Variants in DCC observed in about 807,000 individuals in gnomAD.
DCC encodes DCC netrin 1 receptor, also known as netrin receptor DCC.
DCC carries 58 observed loss-of-function variants against 172.5 expected under a neutral mutation model. That is an observed-to-expected ratio of 0.34 (90% CI 0.27 to 0.42). The LOEUF (loss-of-function observed/expected upper bound fraction) is 0.42, where lower values mean the gene tolerates loss of function less well. Among genes scored for constraint, DCC ranks in the 10% least tolerant of loss-of-function variants. The pLI, the probability that DCC is intolerant of heterozygous loss-of-function variation, is 1.00. For missense variants in DCC, 1,740 were observed against 1,791.0 expected, an observed-to-expected ratio of 0.97 and a Z score of 0.51; for synonymous variants, 709 against 644.5, an observed-to-expected ratio of 1.10 and a Z score of -1.52.
At chr18:53,267,870 A>G (rs2056700796) in intron 12 of DCC, among the ~76,000 whole-genome samples, 1 of 152,212 alleles carries the variant, frequency 6.6e-6, no homozygotes, top group Admixed American at 6.5e-5. Context: ...CAGGTTTCCA[A>G]GGTTTAATAT....
chr18:53,029,839 A>G (rs117818440), intron 5 of DCC, among the ~76,000 whole-genome samples: 4,346 of 152,174 alleles, frequency 0.029, 81 homozygotes, highest in Non-Finnish European at 0.042. Context: ...ATCATTCGTC[A>G]TCATCTAAGC....
chr18:52,598,953 C>G (rs1300302536), intron 1 of DCC, among the ~76,000 whole-genome samples: 1 of 152,072 alleles, frequency 6.6e-6, no homozygotes, highest in Non-Finnish European at 1.5e-5. Flanking sequence ...CTATCAAGCT[C>G]TTTTATAAGG....
intron 20 of DCC, among the ~76,000 whole-genome samples, chr18:53,411,805 A>G (rs1242089086): frequency 6.6e-6 from 1 of 152,156 alleles, no homozygotes; most frequent in Non-Finnish European, 1.5e-5. Context: ...CATCTTTGTC[A>G]TCTAAATTTT....
intron 2 of DCC, among the ~76,000 whole-genome samples, chr18:52,860,465 C>T (rs2039123060): frequency 6.6e-6 from 1 of 152,094 alleles, no homozygotes; most frequent in Non-Finnish European, 1.5e-5. Flanking sequence ...GGATTCAGTT[C>T]AAATTATAGA....
At position 53,487,030 on chromosome 18, in the gene DCC, A is replaced by C; in HGVS notation, c.3898+72A>C. Reference sequence around the variant, plus strand: ...AAAGGTGTCTTGTAAAATATGTTGCATTCTGACCTTATCCCTTAGAAAAGT... The same window carrying C: ...AAAGGTGTCTTGTAAAATATGTTGCCTTCTGACCTTATCCCTTAGAAAAGT... On this transcript the variant is annotated intron_variant, in intron 26 of 28. Transcript: ENST00000442544. The C allele has an allele frequency of 2.5e-6, 4 of 1,591,008 alleles. No homozygotes were observed. In the South Asian group the frequency reaches 4.4e-5, roughly 18 times the overall value.
At chr18:53,053,346 C>T (rs2042360081) in intron 5 of DCC, among the ~76,000 whole-genome samples, 1 of 152,016 alleles carries the variant, frequency 6.6e-6, no homozygotes, top group African/African-American at 2.4e-5. Flanking sequence ...TCCAGAAACA[C>T]TTGTTTTGAT....
chr18:52,950,706 C>A (rs150111477), intron 5 of DCC, among the ~76,000 whole-genome samples: 3,236 of 151,870 alleles, frequency 0.021, 61 homozygotes, highest in Admixed American at 0.039. Flanking sequence ...GGGTGGATCA[C>A]GAGGTCAGGA....
At chr18:52,780,050 T>G (rs1204044636) in intron 2 of DCC, among the ~76,000 whole-genome samples, 1 of 143,768 alleles carries the variant, frequency 7.0e-6, no homozygotes, top group Non-Finnish European at 1.5e-5. Context: ...ATTTACTACT[T>G]CATCGTGGCC....
At chr18:52,612,160 CT>C (rs1165176710) in intron 1 of DCC, among the ~76,000 whole-genome samples, 1 of 152,156 alleles carries the variant, frequency 6.6e-6, no homozygotes, top group African/African-American at 2.4e-5. Flanking sequence ...CGAAATTAAT[CT>C]GGTATAATTT....
At chr18:53,407,321 G>A (rs984861718) in intron 19 of DCC, among the ~76,000 whole-genome samples, 25 of 151,404 alleles carry the variant, frequency 1.7e-4, no homozygotes, top group African/African-American at 5.6e-4. Flanking sequence ...AGTGACTTTC[G>A]ATACCTCTTA....
chr18:52,837,419 C>A (rs1238134518), intron 2 of DCC, among the ~76,000 whole-genome samples: 1 of 152,162 alleles, frequency 6.6e-6, no homozygotes, highest in Non-Finnish European at 1.5e-5. Context: ...TTAGAAATTT[C>A]TTCTGCCAGA....
chr18:53,457,233 A>T (rs911085202), intron 23 of DCC, among the ~76,000 whole-genome samples: 2 of 152,134 alleles, frequency 1.3e-5, no homozygotes, highest in African/African-American at 4.8e-5. Context: ...AACATACAAA[A>T]AGGTTCTGCC....
chr18:52,975,781 C>T (rs2041107585), intron 5 of DCC, among the ~76,000 whole-genome samples: 1 of 152,142 alleles, frequency 6.6e-6, no homozygotes, highest in Admixed American at 6.5e-5. Context: ...AGGTTGATTC[C>T]ATGTGTTTGC....
chr18:53,492,223 A>G (rs2045966913), intron 26 of DCC, among the ~76,000 whole-genome samples: 2 of 152,214 alleles, frequency 1.3e-5, no homozygotes, highest in African/African-American at 4.8e-5. Flanking sequence ...CTTTTGTCAG[A>G]TGGATAGATT....
intron 21 of DCC, among the ~76,000 whole-genome samples, chr18:53,431,360 T>C (rs1911599196): frequency 6.6e-6 from 1 of 152,092 alleles, no homozygotes; most frequent in Admixed American, 6.5e-5. Flanking sequence ...TAATATCTCA[T>C]TCCTCCCCAT....
intron 2 of DCC, among the ~76,000 whole-genome samples, chr18:52,761,989 C>T (rs1262434490): frequency 6.6e-6 from 1 of 151,168 alleles, no homozygotes; most frequent in Non-Finnish European, 1.5e-5. Flanking sequence ...GCTTTTAGGT[C>T]CACAGAATTT....
intron 5 of DCC, among the ~76,000 whole-genome samples, chr18:53,000,970 T>C (rs987290858): frequency 6.6e-6 from 1 of 152,084 alleles, no homozygotes; most frequent in Non-Finnish European, 1.5e-5. Context: ...ATCTGTGTGA[T>C]AGGCGTGAGG....
intron 1 of DCC, among the ~76,000 whole-genome samples, chr18:52,671,105 T>C (rs1315999771): frequency 6.6e-6 from 1 of 152,186 alleles, no homozygotes; most frequent in Non-Finnish European, 1.5e-5. Context: ...TGACCCCTGC[T>C]GGGGAGGCTT....
chr18:52,633,195 C>A (rs1247381267), intron 1 of DCC, among the ~76,000 whole-genome samples: 1 of 151,898 alleles, frequency 6.6e-6, no homozygotes, highest in Non-Finnish European at 1.5e-5. Context: ...TATCTAAACA[C>A]ATTTTGAGAG....
Sources: gnomAD v4.1 joint callset for allele counts (sites outside exome capture counted in the v4.1 genomes callset) on GRCh38, gnomAD v4.1.1 for gene constraint, MANE v1.5 for transcripts, NCBI Gene and HGNC (gene_info 2026-07-23, HGNC 2026-07-21) for gene names.